The following PRKCA variants were observed in gnomAD, a reference collection of about 807,000 sequenced individuals.
The protein encoded by PRKCA is protein kinase C alpha.
Under a neutral mutation model 87.0 loss-of-function variants are expected in PRKCA, and 27 were observed. The ratio of observed to expected loss-of-function variants is 0.31; its 90% CI spans 0.23 to 0.43. The LOEUF (loss-of-function observed/expected upper bound fraction) is 0.43, where lower values mean the gene tolerates loss of function less well. Among genes scored for constraint, PRKCA ranks in the 20% least tolerant of loss-of-function variants. The pLI is 1.00. For missense variants in PRKCA, 518 were observed against 852.3 expected, an observed-to-expected ratio of 0.61 and a Z score of 4.88; for synonymous variants, 329 against 311.1, an observed-to-expected ratio of 1.06 and a Z score of -0.61.
intron 3 of PRKCA, among the ~76,000 whole-genome samples, chr17:66,607,291 T>G (rs1399669661): frequency 6.6e-6 from 1 of 152,218 alleles, no homozygotes; most frequent in African/African-American, 2.4e-5. Flanking sequence ...ATGATTCTCT[T>G]TCTTTCCCAA....
intron 2 of PRKCA, among the ~76,000 whole-genome samples, chr17:66,451,255 C>G (rs1914295447): frequency 6.6e-6 from 1 of 152,098 alleles, no homozygotes; most frequent in South Asian, 2.1e-4. Context: ...GCCTTTTTTC[C>G]AGATTTGATC....
intron 2 of PRKCA, among the ~76,000 whole-genome samples, chr17:66,448,880 T>G (rs1362924090): frequency 6.6e-6 from 1 of 151,506 alleles, no homozygotes; most frequent in Non-Finnish European, 1.5e-5. Flanking sequence ...AATCTAAAAG[T>G]TTTTTAAACT....
intron 4 of PRKCA, 39 bp from the exon 5 acceptor site, chr17:66,645,344 C>T (rs1241297969): frequency 6.2e-7 from 1 of 1,613,422 alleles, no homozygotes; most frequent in South Asian, 1.1e-5. Flanking sequence ...TGGTTGGAGT[C>T]CATATGCCCA....
intron 3 of PRKCA, among the ~76,000 whole-genome samples, chr17:66,588,209 G>C (rs936789775): frequency 1.3e-5 from 2 of 152,022 alleles, no homozygotes; most frequent in African/African-American, 4.8e-5. Context: ...TGATTGCTGG[G>C]AAGGTTAAAC....
At chr17:66,703,049 G>C (rs1973100966) in intron 8 of PRKCA, among the ~76,000 whole-genome samples, 1 of 152,240 alleles carries the variant, frequency 6.6e-6, no homozygotes, top group African/African-American at 2.4e-5. Context: ...AGTGGTGAGG[G>C]AATGTGCCAG....
chr17:66,769,625 A>G (rs561059794), intron 13 of PRKCA, among the ~76,000 whole-genome samples: 1 of 152,292 alleles, frequency 6.6e-6, no homozygotes, highest in South Asian at 2.1e-4. Context: ...CTAGCATCAC[A>G]GAGTGTGTTT....
At chr17:66,510,783 T>C (rs1442547931) in intron 3 of PRKCA, among the ~76,000 whole-genome samples, 1 of 152,152 alleles carries the variant, frequency 6.6e-6, no homozygotes, top group Non-Finnish European at 1.5e-5. Flanking sequence ...TCTCACTCTG[T>C]CGCCCAAGCT....
At chr17:66,676,256 G>C (rs1972327041) in intron 5 of PRKCA, 1 of 152,638 alleles carries the variant, frequency 6.6e-6, no homozygotes, top group African/African-American at 2.4e-5. Context: ...GAGGAAACTT[G>C]AGAGCTCCGT....
rs2143908035 is a variant in PRKCA, at chr17:66,448,168, G to A, written c.206-48033G>A. Among the ~76,000 whole-genome samples the A allele has an allele frequency of 1.3e-5, 2 of 152,284 alleles. 1 individual carries two copies. Among genetic ancestry groups the A allele is most frequent in the Admixed American group, 1.3e-4 (2 of 15,288 alleles). On this transcript the variant is annotated intron_variant, in intron 2 of 16. Coordinates refer to ENST00000413366, the MANE Select transcript of PRKCA (RefSeq NM_002737.3). ...TTCTGTGCCCTTTTTCCGCTAACAAGTTGATATCGTGCTGTTATTTTGTTT... is the reference window on the plus strand; with the variant it reads ...TTCTGTGCCCTTTTTCCGCTAACAAATTGATATCGTGCTGTTATTTTGTTT...
chr17:66,531,861 C>T (rs979458326), intron 3 of PRKCA, among the ~76,000 whole-genome samples: 31 of 152,298 alleles, frequency 2.0e-4, no homozygotes, highest in African/African-American at 7.0e-4. Context: ...TCAAACTTAT[C>T]TTTGTGCTGT....
intron 11 of PRKCA, 139 bp downstream of exon 11, chr17:66,738,994 C>T (rs1974099952): frequency 3.1e-6 from 2 of 653,454 alleles, no homozygotes; most frequent in Non-Finnish European, 2.7e-6. Context: ...GTGATTCTCC[C>T]ACCTCAGCCT....
At chr17:66,332,705 T>TC (rs1314690505) in intron 2 of PRKCA, among the ~76,000 whole-genome samples, 1 of 151,270 alleles carries the variant, frequency 6.6e-6, no homozygotes, top group East Asian at 2.0e-4. Flanking sequence ...ATTTTTTTTT[T>TC]TTTTGAGATG....
At chr17:66,675,316 A>G (rs924096036) in intron 5 of PRKCA, among the ~76,000 whole-genome samples, 3 of 152,100 alleles carry the variant, frequency 2.0e-5, no homozygotes, top group Non-Finnish European at 4.4e-5. Context: ...CTCCTGGCCT[A>G]ATCACCTCCC....
intron 16 of PRKCA, among the ~76,000 whole-genome samples, chr17:66,802,654 C>T (rs1366516525): frequency 3.3e-5 from 5 of 152,202 alleles, no homozygotes; most frequent in Non-Finnish European, 7.3e-5. Context: ...GCTGGCCTCT[C>T]GCCTCGGCTG....
chr17:66,467,157 G>A (rs1915123475), intron 2 of PRKCA, among the ~76,000 whole-genome samples: 1 of 152,164 alleles, frequency 6.6e-6, no homozygotes, highest in Non-Finnish European at 1.5e-5. Flanking sequence ...ATGCGCAGGA[G>A]GTGGTGTGCA....
At chr17:66,476,440 C>T (rs73334713) in intron 2 of PRKCA, among the ~76,000 whole-genome samples, 3,176 of 152,238 alleles carry the variant, frequency 0.021, 104 homozygotes, top group African/African-American at 0.071. Context: ...AGAGGGAGGC[C>T]GTGAGGAGCC....
chr17:66,366,064 C>A (rs1036243037), intron 2 of PRKCA, among the ~76,000 whole-genome samples: 17 of 152,130 alleles, frequency 1.1e-4, no homozygotes, highest in Admixed American at 2.0e-4. Context: ...ATTGTGAGAA[C>A]TGTAAATCTG....
chr17:66,434,648 GCA>G (rs10578924), intron 2 of PRKCA, among the ~76,000 whole-genome samples: 127,938 of 151,830 alleles, frequency 0.84, 54,748 homozygotes, highest in East Asian at 0.95. Context: ...TTGTTCCTAG[GCA>G]CACGCCTTTT....
At chr17:66,706,800 C>T (rs1973205197) in intron 8 of PRKCA, among the ~76,000 whole-genome samples, 1 of 152,156 alleles carries the variant, frequency 6.6e-6, no homozygotes, top group African/African-American at 2.4e-5. Flanking sequence ...ACAGCTGTTC[C>T]TTTGCTACCA....
Sources: gnomAD v4.1 joint callset for allele counts (sites outside exome capture counted in the v4.1 genomes callset) on GRCh38, gnomAD v4.1.1 for gene constraint, MANE v1.5 for transcripts, NCBI Gene and HGNC (gene_info 2026-07-23, HGNC 2026-07-21) for gene names.